ADAMTSL3: variants seen among roughly 807,000 people sequenced by gnomAD.
The protein encoded by ADAMTSL3 is ADAMTS-like protein 3.
In ADAMTSL3, 128 loss-of-function variants were observed where a neutral mutation model predicts 201.7. The observed-to-expected ratio is 0.63, with a 90% CI of 0.55 to 0.73. The LOEUF (loss-of-function observed/expected upper bound fraction) is 0.73, where lower values mean the gene tolerates loss of function less well. ADAMTSL3 is among the 30% of genes least tolerant of loss of function. The pLI is 0.00. For synonymous variants in ADAMTSL3, 738 were observed against 748.4 expected (o/e 0.99, Z 0.23); for missense variants, 1,990 against 2,119.6 (o/e 0.94, Z 1.20).
chr15:83,761,561 C>T (rs1208976815), intron 3 of ADAMTSL3, among the ~76,000 whole-genome samples: 2 of 152,176 alleles, frequency 1.3e-5, no homozygotes, highest in African/African-American at 2.4e-5. Context: ...TAGTTGTCCT[C>T]AATGGCATGG....
intron 27 of ADAMTSL3, among the ~76,000 whole-genome samples, chr15:84,031,048 C>A (rs2068400044): frequency 6.6e-6 from 1 of 152,150 alleles, no homozygotes; most frequent in Non-Finnish European, 1.5e-5. Context: ...GTCAATTAAA[C>A]CTCTTTCCTT....
intron 20 of ADAMTSL3, among the ~76,000 whole-genome samples, chr15:83,980,615 A>T (rs1009077985): frequency 2.0e-5 from 3 of 152,150 alleles, no homozygotes; most frequent in African/African-American, 7.2e-5. Context: ...CCACTTAGAG[A>T]TGATGTGACA....
At chr15:83,683,616 G>A (rs778097076) in intron 2 of ADAMTSL3, among the ~76,000 whole-genome samples, 3 of 152,158 alleles carry the variant, frequency 2.0e-5, no homozygotes, top group Non-Finnish European at 2.9e-5. Context: ...TATCTGTCTG[G>A]AAGAAGTCCA....
At chr15:83,865,707 A>C in intron 8 of ADAMTSL3, among the ~76,000 whole-genome samples, 1 of 152,170 alleles carries the variant, frequency 6.6e-6, no homozygotes, top group East Asian at 1.9e-4. Flanking sequence ...GCATGGGCAA[A>C]GACTTCATGT....
rs559862084 is a variant in ADAMTSL3 at position 83,757,981 on chromosome 15, C to T, written c.190-15542C>T. Among the ~76,000 whole-genome samples, 5 of 152,270 alleles carry T rather than the reference C, an allele frequency of 3.3e-5. No homozygotes were observed. In the South Asian group the frequency reaches 1.0e-3, roughly 32 times the overall value. Reference sequence around the variant, plus strand: ...CCACATCAGCCTAGATTTCATTGTCCATATCATTATCGGCATTTTGGTCAA... The same window carrying T: ...CCACATCAGCCTAGATTTCATTGTCTATATCATTATCGGCATTTTGGTCAA... On this transcript the variant is annotated intron_variant, in intron 3 of 29. Coordinates refer to ENST00000286744, the MANE Select transcript of ADAMTSL3 (RefSeq NM_207517.3).
chr15:84,021,434 G>A lies in ADAMTSL3; in HGVS notation c.4298G>A (p.Trp1433Ter). The A allele has an allele frequency of 6.2e-7, 1 of 1,614,070 alleles. No individual in the cohort carries two copies. The highest frequency in any genetic ancestry group is 8.5e-7 in the Non-Finnish European group (1 of 1,180,000). The change falls in exon 26 of 30, where the codon TGG becomes TAG. Residue 1433 changes from tryptophan (W) to a stop codon, truncating the protein, a stop_gained. Coordinates refer to ENST00000286744, the MANE Select transcript of ADAMTSL3 (RefSeq NM_207517.3). LOFTEE classifies it high-confidence loss of function. The stretch of plus-strand genomic sequence containing the variant: ...GAGCCTTTTTGGGAGCCTGGTAACT[G>A]GTCACATTGTTCTGCCACCTGTGGT... ...PQEPFWEPGNWSHCSATCGHL... is the reference protein window; with the variant it reads ...PQEPFWEPGN
chr15:83,774,104 G>A (rs1175129345), intron 4 of ADAMTSL3, among the ~76,000 whole-genome samples: 1 of 152,182 alleles, frequency 6.6e-6, no homozygotes, highest in Non-Finnish European at 1.5e-5. Context: ...TGTAAAATCA[G>A]CTTATTTTTA....
chr15:83,995,301 T>C (rs972408001), intron 23 of ADAMTSL3, among the ~76,000 whole-genome samples: 33 of 152,220 alleles, frequency 2.2e-4, no homozygotes, highest in African/African-American at 7.2e-4. Context: ...ATCATCTTAA[T>C]AGATGTAGAC....
At chr15:83,774,199 C>T (rs1454671896) in intron 4 of ADAMTSL3, among the ~76,000 whole-genome samples, 1 of 152,012 alleles carries the variant, frequency 6.6e-6, no homozygotes, top group African/African-American at 2.4e-5. Context: ...AGTTTAATTC[C>T]CAGTCAAGGA....
intron 3 of ADAMTSL3, 103 bp downstream of exon 3, chr15:83,704,611 A>C: frequency 6.7e-7 from 1 of 1,481,648 alleles, no homozygotes; most frequent in Non-Finnish European, 9.2e-7. Flanking sequence ...TCCTCTTTGC[A>C]ATACAAGTAC....
At chr15:83,693,582 A>C (rs946322402) in intron 2 of ADAMTSL3, among the ~76,000 whole-genome samples, 1 of 152,146 alleles carries the variant, frequency 6.6e-6, no homozygotes, top group African/African-American at 2.4e-5. Flanking sequence ...GATAATCAGA[A>C]AAAAAAAGTG....
intron 7 of ADAMTSL3, among the ~76,000 whole-genome samples, chr15:83,847,644 T>A (rs2064527683): frequency 6.6e-6 from 1 of 151,990 alleles, no homozygotes; most frequent in South Asian, 2.1e-4. Flanking sequence ...TACAGTCACG[T>A]GCCACCATGC....
At chr15:83,716,884 AG>A (rs1282909323) in intron 3 of ADAMTSL3, among the ~76,000 whole-genome samples, 1 of 152,290 alleles carries the variant, frequency 6.6e-6, no homozygotes, top group Middle Eastern at 3.4e-3. Flanking sequence ...TAATGCTAAC[AG>A]GGTTTTTAAA....
intron 2 of ADAMTSL3, among the ~76,000 whole-genome samples, chr15:83,656,297 A>G (rs2061082410): frequency 6.6e-6 from 1 of 152,116 alleles, no homozygotes; most frequent in Non-Finnish European, 1.5e-5. Context: ...GTCTTTTCCA[A>G]CCAACTTGAG....
At position 83,884,086 on chromosome 15, in the gene ADAMTSL3, G is replaced by A. The variant is rs182924072; in HGVS notation, c.961-1015G>A. The stretch of plus-strand genomic sequence containing the variant: ...TTTTGTATTTTTTAGTAGAGACCAG[G>A]TTTGCCATGTTGGCCAGGCTGGTCT... On this transcript the variant is annotated intron_variant, in intron 9 of 29. Transcript: ENST00000286744. 2.2e-3 allele frequency among the ~76,000 whole-genome samples: 333 copies of A among 150,348 alleles called. 1 individual carries two copies. The highest frequency in any genetic ancestry group is 7.9e-3 in the African/African-American group (321 of 40,860).
chr15:83,843,251 T>TAAA (rs5814163), intron 7 of ADAMTSL3, among the ~76,000 whole-genome samples: 1 of 151,506 alleles, frequency 6.6e-6, no homozygotes, highest in South Asian at 2.1e-4. Flanking sequence ...TCCTTTTTTT[T>TAAA]AAAAAAAATC....
At chr15:83,803,220 C>G (rs913596695) in intron 4 of ADAMTSL3, among the ~76,000 whole-genome samples, 21 of 152,132 alleles carry the variant, frequency 1.4e-4, no homozygotes, top group African/African-American at 5.1e-4. Context: ...GTGACTACCT[C>G]TATACTTCTT....
chr15:83,879,622 C>A (rs1347486204), intron 9 of ADAMTSL3, among the ~76,000 whole-genome samples: 1 of 152,102 alleles, frequency 6.6e-6, no homozygotes, highest in African/African-American at 2.4e-5. Context: ...CATATTATTT[C>A]AATATTTCAA....
At chr15:83,927,835 T>C (rs2066277739) in intron 17 of ADAMTSL3, among the ~76,000 whole-genome samples, 1 of 152,102 alleles carries the variant, frequency 6.6e-6, no homozygotes, top group Non-Finnish European at 1.5e-5. Context: ...GTAGAGCTGG[T>C]CTCCTGATTT....
Sources: allele counts gnomAD v4.1 joint callset (sites outside exome capture counted in the v4.1 genomes callset), GRCh38; gene constraint gnomAD v4.1.1; transcripts MANE v1.5; gene names NCBI Gene and HGNC (gene_info 2026-07-23, HGNC 2026-07-21).